Variants in ZFPM2 observed in about 807,000 individuals in gnomAD.
ZFPM2 encodes zinc finger protein, FOG family member 2.
In ZFPM2, 20 loss-of-function variants were observed where a neutral mutation model predicts 98.6. The observed-to-expected ratio is 0.20, with a 90% CI of 0.14 to 0.29. The LOEUF (loss-of-function observed/expected upper bound fraction) is 0.29, where lower values mean the gene tolerates loss of function less well. Among genes scored for constraint, ZFPM2 ranks in the 10% least tolerant of loss-of-function variants. The pLI, the probability that ZFPM2 is intolerant of heterozygous loss-of-function variation, is 1.00. For synonymous variants in ZFPM2, 518 were observed against 502.7 expected, an observed-to-expected ratio of 1.03 and a Z score of -0.41; for missense variants, 1,310 against 1,388.6, an observed-to-expected ratio of 0.94 and a Z score of 0.90.
At chr8:105,610,180 C>A (rs540147823) in intron 4 of ZFPM2, among the ~76,000 whole-genome samples, 1 of 152,238 alleles carries the variant, frequency 6.6e-6, no homozygotes, top group Non-Finnish European at 1.5e-5. Context: ...GCCTTAGTAA[C>A]AATCAGAGAG....
chr8:105,711,650 C>A (rs368257070), intron 5 of ZFPM2, among the ~76,000 whole-genome samples: 1 of 151,970 alleles, frequency 6.6e-6, no homozygotes, highest in African/African-American at 2.4e-5. Flanking sequence ...CGAGTCTCAG[C>A]CTTCATGATT....
chr8:105,493,251 AC>A (rs1460753910), intron 3 of ZFPM2, among the ~76,000 whole-genome samples: 5 of 152,080 alleles, frequency 3.3e-5, no homozygotes, highest in Admixed American at 6.6e-5. Context: ...TTCTTTCAGC[AC>A]CCCCAAGTGT....
At chr8:105,630,399 T>G (rs1307543417) in intron 4 of ZFPM2, among the ~76,000 whole-genome samples, 3 of 152,188 alleles carry the variant, frequency 2.0e-5, no homozygotes, top group Non-Finnish European at 2.9e-5. Context: ...GTTGACTTCT[T>G]CAGAAAGAAA....
intron 5 of ZFPM2, among the ~76,000 whole-genome samples, chr8:105,695,283 GAAGAA>G (rs915706663): frequency 4.0e-5 from 6 of 150,032 alleles, no homozygotes; most frequent in Admixed American, 1.3e-4. Context: ...TAACCTTGAA[GAAGAA>G]AAGAAAAGTG....
intron 3 of ZFPM2, among the ~76,000 whole-genome samples, chr8:105,485,692 T>C (rs575563742): frequency 6.6e-6 from 1 of 152,168 alleles, no homozygotes; most frequent in South Asian, 2.1e-4. Flanking sequence ...AAAGAAGCTG[T>C]AGGACTTTGT....
At chr8:105,370,078 A>G (rs2129808907) in intron 1 of ZFPM2, among the ~76,000 whole-genome samples, 1 of 152,284 alleles carries the variant, frequency 6.6e-6, no homozygotes, top group Admixed American at 6.5e-5. Flanking sequence ...TTACTGGTCC[A>G]GGGTCTCAGT....
chr8:105,448,258 T>G (rs1812415124), intron 3 of ZFPM2, among the ~76,000 whole-genome samples: 1 of 152,074 alleles, frequency 6.6e-6, no homozygotes. Context: ...TCACAGAACA[T>G]TTGCTCTTCA....
intron 1 of ZFPM2, chr8:105,387,249 CAG>C (rs1811012001): frequency 6.5e-6 from 1 of 153,656 alleles, no homozygotes; most frequent in Admixed American, 6.5e-5. Flanking sequence ...CCACCAGACT[CAG>C]GAGCCCAGCT....
At chr8:105,337,514 C>A (rs1812351170) in intron 1 of ZFPM2, among the ~76,000 whole-genome samples, 1 of 151,562 alleles carries the variant, frequency 6.6e-6, no homozygotes, top group Non-Finnish European at 1.5e-5. Context: ...CCACCCTTGC[C>A]AATATTACAG....
At chr8:105,646,313 CA>C (rs1422775122) in intron 5 of ZFPM2, among the ~76,000 whole-genome samples, 2 of 152,046 alleles carry the variant, frequency 1.3e-5, no homozygotes, top group Non-Finnish European at 2.9e-5. Flanking sequence ...GTTGTTTTGT[CA>C]AAACTGCAAA....
intron 3 of ZFPM2, among the ~76,000 whole-genome samples, chr8:105,548,149 A>G (rs1814756150): frequency 6.6e-6 from 1 of 152,048 alleles, no homozygotes; most frequent in Non-Finnish European, 1.5e-5. Context: ...TAAATGGTGA[A>G]AAGAAACTCT....
intron 1 of ZFPM2, among the ~76,000 whole-genome samples, chr8:105,394,740 G>A (rs1479118397): frequency 2.0e-5 from 3 of 152,216 alleles, no homozygotes; most frequent in Non-Finnish European, 4.4e-5. Context: ...CACAGACAGT[G>A]AAGAACATGC....
intron 5 of ZFPM2, among the ~76,000 whole-genome samples, chr8:105,746,946 T>C (rs1456565449): frequency 6.6e-6 from 1 of 152,090 alleles, no homozygotes; most frequent in Non-Finnish European, 1.5e-5. Flanking sequence ...TCAAAACATT[T>C]TGTTATTTTC....
chr8:105,669,092 C>T (rs1332279888), intron 5 of ZFPM2, among the ~76,000 whole-genome samples: 1 of 151,896 alleles, frequency 6.6e-6, no homozygotes, highest in East Asian at 1.9e-4. Flanking sequence ...AATAAACTAG[C>T]TATGTTAGTA....
At chr8:105,797,860 T>C (rs1328409768) in intron 6 of ZFPM2, among the ~76,000 whole-genome samples, 2 of 152,186 alleles carry the variant, frequency 1.3e-5, no homozygotes, top group African/African-American at 4.8e-5. Flanking sequence ...CTCAGATACC[T>C]CCATCAGAAC....
At chr8:105,613,719 A>G (rs1158685424) in intron 4 of ZFPM2, among the ~76,000 whole-genome samples, 2 of 152,166 alleles carry the variant, frequency 1.3e-5, no homozygotes, top group Admixed American at 1.3e-4. Flanking sequence ...GTTCAGTTTA[A>G]GACTCTGTTA....
At chr8:105,350,665 G>A (rs917761115) in intron 1 of ZFPM2, among the ~76,000 whole-genome samples, 2 of 151,992 alleles carry the variant, frequency 1.3e-5, no homozygotes, top group African/African-American at 2.4e-5. Flanking sequence ...TGAATAAGGT[G>A]TCATCTTAAT....
chr8:105,634,796 G>T (rs1024068437), intron 5 of ZFPM2, among the ~76,000 whole-genome samples: 2 of 152,186 alleles, frequency 1.3e-5, no homozygotes, highest in African/African-American at 4.8e-5. Context: ...CATGCATGAT[G>T]AGAGGATAGC....
intron 1 of ZFPM2, among the ~76,000 whole-genome samples, chr8:105,399,715 AT>A (rs5893741): frequency 0.34 from 51,051 of 151,896 alleles, 10,114 homozygotes; most frequent in African/African-American, 0.55. Flanking sequence ...GTATTTTTTT[AT>A]TTTTTGATAG....
Sources: allele counts gnomAD v4.1 joint callset (sites outside exome capture counted in the v4.1 genomes callset), GRCh38; gene constraint gnomAD v4.1.1; transcripts MANE v1.5; gene names NCBI Gene and HGNC (gene_info 2026-07-23, HGNC 2026-07-21).